Variants in PARP16 observed in about 807,000 individuals in gnomAD.
PARP16 encodes poly(ADP-ribose) polymerase family member 16.
A neutral mutation model predicts 35.0 loss-of-function variants in PARP16; 31 were observed. That is an observed-to-expected ratio of 0.88 (90% CI 0.66 to 1.19). PARP16 has a LOEUF of 1.19. Among genes scored for constraint, PARP16 ranks in the 50% most tolerant of loss-of-function variants. The probability of loss-of-function intolerance (pLI) is 0.00; values close to 1 mark genes in which losing one functional copy is unlikely to be tolerated. For synonymous variants in PARP16, 162 were observed against 169.5 expected (o/e 0.96, Z 0.34); for missense variants, 424 against 411.2 (o/e 1.03, Z -0.27).
intron 3 of PARP16, among the ~76,000 whole-genome samples, chr15:65,238,742 T>C (rs2088957872): frequency 6.6e-6 from 1 of 152,220 alleles, no homozygotes; most frequent in Admixed American, 6.5e-5. Flanking sequence ...AATACCTTTA[T>C]TGAGGTATAG....
intron 1 of PARP16, among the ~76,000 whole-genome samples, chr15:65,273,276 C>CA (rs1233896826): frequency 0.029 from 1,640 of 57,496 alleles, 65 homozygotes; most frequent in African/African-American, 0.075. Context: ...GACTCTGTCT[C>CA]AAAAAAAAAA....
At chr15:65,240,322 T>A (rs1401762703) in intron 3 of PARP16, among the ~76,000 whole-genome samples, 1 of 45,986 alleles carries the variant, frequency 2.2e-5, no homozygotes, top group East Asian at 7.9e-4. Context: ...TGGGGGGGGC[T>A]AGTGTGTGTG....
intron 1 of PARP16, among the ~76,000 whole-genome samples, chr15:65,285,072 A>C (rs1010001766): frequency 6.7e-6 from 1 of 149,636 alleles, no homozygotes; most frequent in Non-Finnish European, 1.5e-5. Flanking sequence ...GGCATGAGCC[A>C]CTCAGCCTTT....
intron 3 of PARP16, among the ~76,000 whole-genome samples, chr15:65,263,708 T>G (rs2089809153): frequency 6.6e-6 from 1 of 152,204 alleles, no homozygotes; most frequent in South Asian, 2.1e-4. Flanking sequence ...TACTAGTAGC[T>G]CCTTTACAAG....
At chr15:65,269,353 T>G (rs978305086) in intron 2 of PARP16, among the ~76,000 whole-genome samples, 2 of 151,940 alleles carry the variant, frequency 1.3e-5, no homozygotes, top group Admixed American at 1.3e-4. Context: ...CCCGCCACCA[T>G]GCCCAGCTAA....
At chr15:65,263,033 G>A (rs2089786024) in intron 4 of PARP16, 116 bp downstream of exon 4, 2 of 951,260 alleles carry the variant, frequency 2.1e-6, no homozygotes, top group Non-Finnish European at 3.2e-6. Context: ...GCACTGCCCT[G>A]GATCCAGCCC....
At chr15:65,236,675 A>G (rs534266738) in intron 3 of PARP16, among the ~76,000 whole-genome samples, 46 of 152,300 alleles carry the variant, frequency 3.0e-4, no homozygotes, top group African/African-American at 1.1e-3. Flanking sequence ...CTTCCGCATA[A>G]AAGTTGTGGG....
Position 65,266,478 on chromosome 15 carries a change from C to T in PARP16, c.519+84G>A. 3 of 1,191,476 alleles carry T rather than the reference C, an allele frequency of 2.5e-6. No homozygotes were observed. The East Asian group carries it at 7.0e-5, about 28-fold the overall frequency. 73.8% of individuals were successfully genotyped at this position (1,191,476 alleles called of 1,614,324 possible). A position where few individuals can be genotyped will look rare whatever the true frequency, so the allele number is the denominator to read the frequency against. ...ACCTACCCGACCCCACCTGCAAACTCCTAGGGTTCTGAATCTCCCCCTCCC... is the reference window on the plus strand; with the variant it reads ...ACCTACCCGACCCCACCTGCAAACTTCTAGGGTTCTGAATCTCCCCCTCCC... On this transcript the variant is annotated intron_variant, in intron 3 of 5. Coordinates refer to ENST00000649807, the MANE Select transcript of PARP16 (RefSeq NM_001316943.2).
At chr15:65,269,874 T>C (rs1181147912) in intron 2 of PARP16, among the ~76,000 whole-genome samples, 1 of 152,132 alleles carries the variant, frequency 6.6e-6, no homozygotes, top group Non-Finnish European at 1.5e-5. Context: ...TTGATGCCCA[T>C]ATGAGGTAAG....
chr15:65,283,636 C>G (rs952949420), intron 1 of PARP16, among the ~76,000 whole-genome samples: 1 of 152,146 alleles, frequency 6.6e-6, no homozygotes, highest in Non-Finnish European at 1.5e-5. Context: ...CAGCCTCCAC[C>G]CCTAGATGGT....
At chr15:65,238,905 C>G (rs1215018309) in intron 3 of PARP16, among the ~76,000 whole-genome samples, 3 of 152,098 alleles carry the variant, frequency 2.0e-5, no homozygotes, top group African/African-American at 4.8e-5. Flanking sequence ...GAGGCAGGAG[C>G]ACTGCTTAAG....
rs1226674783 is a variant in PARP16 at position 65,266,742 on chromosome 15, C to G, written c.339G>C (p.Gly113=). 1.2e-6 allele frequency: 2 copies of G among 1,613,896 alleles called. No homozygotes were observed. Among genetic ancestry groups the G allele is most frequent in the Non-Finnish European group, 1.7e-6 (2 of 1,179,912 alleles). The change falls in exon 3 of 6, where the codon GGG becomes GGC. Residue 113 remains glycine, a synonymous_variant. Coordinates refer to ENST00000649807, the MANE Select transcript of PARP16 (RefSeq NM_001316943.2). Reference sequence around the variant, plus strand: ...GTGCAGGAACAGGCGTGTGAGGAGCCCCAGTCAGCTTTTGGATCTTTTCAA... The same window carrying G: ...GTGCAGGAACAGGCGTGTGAGGAGCGCCAGTCAGCTTTTGGATCTTTTCAA... ...AEFEKIQKLT[G]APHTPVPAPD...
chr15:65,233,334 G>A (rs1025055658), downstream of PARP16, among the ~76,000 whole-genome samples: 2 of 151,936 alleles, frequency 1.3e-5, no homozygotes, highest in Admixed American at 6.6e-5. Flanking sequence ...CCCAGGAGGC[G>A]GAGCTTGCAG....
intron 1 of PARP16, chr15:65,282,471 C>A (rs11630885): frequency 0.22 from 33,521 of 152,124 alleles, 4,501 homozygotes; most frequent in Admixed American, 0.31. Context: ...ACTCATGTGA[C>A]GTGGCAAAAC....
intron 3 of PARP16, among the ~76,000 whole-genome samples, chr15:65,240,080 C>A (rs921185580): frequency 6.6e-6 from 1 of 151,468 alleles, no homozygotes; most frequent in Non-Finnish European, 1.5e-5. Context: ...CCTCCCACAT[C>A]TGCCTCCCAA....
At chr15:65,251,617 C>T (rs1382266078) in intron 2 of PARP16, among the ~76,000 whole-genome samples, 3 of 57,776 alleles carry the variant, frequency 5.2e-5, no homozygotes, top group Non-Finnish European at 1.4e-4. Flanking sequence ...CCCAGCAAAA[C>T]TTATGGTTCA....
At position 65,286,366 on chromosome 15, in the gene PARP16, C is replaced by G; in HGVS notation, c.61G>C (p.Asp21His). Residue 21 changes from aspartate to histidine, a missense_variant, in exon 1 of 6, where the codon GAC (aspartate) becomes CAC (histidine). Asp to His is a moderately conservative substitution (Grantham distance 81). Coordinates refer to ENST00000649807, the MANE Select transcript of PARP16 (RefSeq NM_001316943.2). Reference protein sequence around the residue: ...EAAGRDMLAADLRCSLFASAL... With the variant: ...EAAGRDMLAAHLRCSLFASAL... Reference sequence around the variant, plus strand: ...GAGGCGAAGAGGCTGCACCGGAGGTCGGCGGCCAGCATGTCGCGGCCCGCC... The same window carrying G: ...GAGGCGAAGAGGCTGCACCGGAGGTGGGCGGCCAGCATGTCGCGGCCCGCC... 1 of 1,577,704 alleles carries G rather than the reference C, an allele frequency of 6.3e-7. No homozygotes were observed. The highest frequency in any genetic ancestry group is 1.4e-5 in the African/African-American group (1 of 72,732).
At chr15:65,272,676 G>A (rs1278049742) in intron 1 of PARP16, among the ~76,000 whole-genome samples, 1 of 152,136 alleles carries the variant, frequency 6.6e-6, no homozygotes, top group Non-Finnish European at 1.5e-5. Flanking sequence ...CAGACACCTG[G>A]AGGTCAAGAA....
chr15:65,256,648 C>T (rs2089519756), downstream of PARP16, among the ~76,000 whole-genome samples: 1 of 152,152 alleles, frequency 6.6e-6, no homozygotes, highest in East Asian at 1.9e-4. Context: ...ACGTCGTGAT[C>T]CTCCCGTCTC....
Sources: allele counts gnomAD v4.1 joint callset (sites outside exome capture counted in the v4.1 genomes callset), GRCh38; gene constraint gnomAD v4.1.1; transcripts MANE v1.5; gene names NCBI Gene and HGNC (gene_info 2026-07-23, HGNC 2026-07-21).